Variants in CDH2 observed in about 807,000 individuals in gnomAD.
CDH2 encodes the protein cadherin-2.
Under a neutral mutation model 92.0 loss-of-function variants are expected in CDH2, and 17 were observed. The observed-to-expected ratio is 0.18, with a 90% CI of 0.13 to 0.28. The LOEUF (loss-of-function observed/expected upper bound fraction) is 0.28, where lower values mean the gene tolerates loss of function less well. Ranked by LOEUF, CDH2 falls within the 10% of genes least tolerant of loss-of-function variation. CDH2 has a pLI of 1.00. For synonymous variants in CDH2, 419 were observed against 415.9 expected (o/e 1.01, Z -0.09); for missense variants, 862 against 1,133.1 (o/e 0.76, Z 3.44).
At chr18:28,073,046 T>TA (rs2014650748) in intron 2 of CDH2, among the ~76,000 whole-genome samples, 1 of 150,196 alleles carries the variant, frequency 6.7e-6, no homozygotes, top group African/African-American at 2.4e-5. Context: ...TGGCACAGAA[T>TA]TTTTTTTTTC....
chr18:28,160,911 T>A (rs549184701), intron 1 of CDH2, among the ~76,000 whole-genome samples: 2 of 152,338 alleles, frequency 1.3e-5, no homozygotes, highest in Admixed American at 1.3e-4. Flanking sequence ...GCATCTGAGA[T>A]ACTGTCACCT....
Position 28,023,779 on chromosome 18 carries a change from A to G in CDH2, c.173-9870T>C, listed in dbSNP as rs1377720051. On this transcript the variant is annotated intron_variant, in intron 2 of 15. Transcript: ENST00000269141. ...ACTAATGTCTTAACGTCATCAATAT[A>G]CAATAACTTTTTAAATTTAATAATC... Among the ~76,000 whole-genome samples, 3 of 152,208 alleles carry G rather than the reference A, an allele frequency of 2.0e-5. No homozygotes were observed. In the East Asian group the frequency reaches 5.8e-4, roughly 29 times the overall value.
chr18:28,122,298 CT>C (rs1297988603), intron 2 of CDH2, among the ~76,000 whole-genome samples: 5 of 152,062 alleles, frequency 3.3e-5, no homozygotes, highest in Non-Finnish European at 7.4e-5. Context: ...AACAACCCCC[CT>C]TTTTAATGAA....
intron 14 of CDH2, among the ~76,000 whole-genome samples, chr18:27,972,108 C>T (rs1160833087): frequency 1.3e-5 from 2 of 152,100 alleles, no homozygotes; most frequent in African/African-American, 2.4e-5. Flanking sequence ...CCCCATCCTT[C>T]TGTCTAGGCA....
At chr18:28,030,355 T>C (rs1377597790) in intron 2 of CDH2, among the ~76,000 whole-genome samples, 1 of 151,980 alleles carries the variant, frequency 6.6e-6, no homozygotes, top group Non-Finnish European at 1.5e-5. Flanking sequence ...TAAAAAAATG[T>C]AGGGATATAA....
chr18:28,157,798 A>G (rs1431251975), intron 1 of CDH2, among the ~76,000 whole-genome samples: 1 of 152,210 alleles, frequency 6.6e-6, no homozygotes, highest in Non-Finnish European at 1.5e-5. Context: ...TAGGAAAAAA[A>G]AAGACTTCAG....
chr18:28,126,133 C>T (rs910228541), intron 2 of CDH2, among the ~76,000 whole-genome samples: 2 of 151,976 alleles, frequency 1.3e-5, no homozygotes, highest in Non-Finnish European at 2.9e-5. Flanking sequence ...GATGTATATG[C>T]TTTAAAATCA....
At chr18:28,149,686 A>G (rs2016091130) in intron 1 of CDH2, among the ~76,000 whole-genome samples, 1 of 152,252 alleles carries the variant, frequency 6.6e-6, no homozygotes, top group Admixed American at 6.5e-5. Flanking sequence ...CATGAAATTT[A>G]GGATAGTGGT....
downstream of CDH2, among the ~76,000 whole-genome samples, chr18:27,950,332 C>T (rs1567931783): frequency 6.6e-6 from 1 of 152,046 alleles, no homozygotes; most frequent in African/African-American, 2.4e-5. Flanking sequence ...TGGAGAATTC[C>T]TTTGCCTCTT....
At chr18:28,039,561 C>A (rs2013908385) in intron 2 of CDH2, among the ~76,000 whole-genome samples, 1 of 152,114 alleles carries the variant, frequency 6.6e-6, no homozygotes, top group Non-Finnish European at 1.5e-5. Flanking sequence ...GAATAAACTG[C>A]CATTATTAGG....
intron 1 of CDH2, among the ~76,000 whole-genome samples, chr18:28,150,004 C>T (rs1187742017): frequency 6.6e-6 from 1 of 152,214 alleles, no homozygotes; most frequent in Non-Finnish European, 1.5e-5. Context: ...CATCCAGGTA[C>T]TGTCCATGCC....
At chr18:28,166,910 C>T (rs2016393617) in intron 1 of CDH2, among the ~76,000 whole-genome samples, 1 of 152,064 alleles carries the variant, frequency 6.6e-6, no homozygotes. Flanking sequence ...GGACAATCTG[C>T]ATCCCTCCTG....
At chr18:28,124,837 T>G (rs370731963) in intron 2 of CDH2, among the ~76,000 whole-genome samples, 1 of 152,218 alleles carries the variant, frequency 6.6e-6, no homozygotes, top group Non-Finnish European at 1.5e-5. Flanking sequence ...CTTCAGCAAG[T>G]TGCTATGCCT....
chr18:28,120,733 C>T (rs2015573809), intron 2 of CDH2, among the ~76,000 whole-genome samples: 1 of 152,094 alleles, frequency 6.6e-6, no homozygotes, highest in African/African-American at 2.4e-5. Context: ...CTATCCTATT[C>T]TACATTGTAA....
At chr18:28,149,865 A>G (rs1375439539) in intron 1 of CDH2, among the ~76,000 whole-genome samples, 1 of 152,250 alleles carries the variant, frequency 6.6e-6, no homozygotes, top group African/African-American at 2.4e-5. Flanking sequence ...CTCACAAACT[A>G]TCTGCTCTAC....
intron 15 of CDH2, among the ~76,000 whole-genome samples, chr18:27,963,097 G>A (rs559545304): frequency 6.6e-6 from 1 of 152,256 alleles, no homozygotes; most frequent in East Asian, 1.9e-4. Context: ...CGGAGACAGT[G>A]TGACTAATTC....
At chr18:28,153,662 G>A (rs1275308892) in intron 1 of CDH2, among the ~76,000 whole-genome samples, 2 of 152,174 alleles carry the variant, frequency 1.3e-5, no homozygotes, top group Admixed American at 1.3e-4. Context: ...GATACTATCT[G>A]CCAGACCTCT....
chr18:28,066,979 C>T (rs1241545816), intron 2 of CDH2, among the ~76,000 whole-genome samples: 5 of 151,968 alleles, frequency 3.3e-5, no homozygotes. Flanking sequence ...ACAAACAAAC[C>T]TATAAAAACA....
At chr18:28,058,989 A>ATTTGATTTTAGTTGG (rs750241924) in intron 2 of CDH2, among the ~76,000 whole-genome samples, 1 of 152,174 alleles carries the variant, frequency 6.6e-6, no homozygotes, top group East Asian at 1.9e-4. Context: ...TAGCTTATCT[A>ATTTGATTTTAGTTGG]TTTGATTTTA....
Sources: allele counts gnomAD v4.1 joint callset (sites outside exome capture counted in the v4.1 genomes callset), GRCh38; gene constraint gnomAD v4.1.1; transcripts MANE v1.5; gene names NCBI Gene and HGNC (gene_info 2026-07-23, HGNC 2026-07-21).